The following GHR variants were observed in gnomAD, a reference collection of about 807,000 sequenced individuals.
GHR encodes the protein GH receptor.
In GHR, 35 loss-of-function variants were observed where a neutral mutation model predicts 67.1. The observed-to-expected ratio is 0.52, with a 90% CI of 0.40 to 0.69. The LOEUF (loss-of-function observed/expected upper bound fraction) is 0.69. GHR is among the 30% of genes least tolerant of loss of function. The pLI is 0.00. For missense variants in GHR, 792 were observed against 764.6 expected, an observed-to-expected ratio of 1.04 and a Z score of -0.42; for synonymous variants, 272 against 269.1, an observed-to-expected ratio of 1.01 and a Z score of -0.10.
At chr5:42,499,119 C>T (rs553804635) in intron 1 of GHR, among the ~76,000 whole-genome samples, 7 of 152,232 alleles carry the variant, frequency 4.6e-5, no homozygotes, top group Admixed American at 3.9e-4. Flanking sequence ...CTTAGCCAAA[C>T]GTGGGGAAGA....
intron 2 of GHR, among the ~76,000 whole-genome samples, chr5:42,576,046 T>TA (rs66522211): frequency 0.083 from 4,562 of 55,136 alleles, 532 homozygotes; most frequent in Middle Eastern, 0.12. Flanking sequence ...AAAATTAAAA[T>TA]AATAAAATAA....
chr5:42,700,559 C>T (rs1172507927), intron 6 of GHR, among the ~76,000 whole-genome samples: 1 of 152,114 alleles, frequency 6.6e-6, no homozygotes, highest in South Asian at 2.1e-4. Flanking sequence ...ACCTCTGAAT[C>T]CCTCTCTTCC....
intron 1 of GHR, among the ~76,000 whole-genome samples, chr5:42,477,796 T>C (rs1304221044): frequency 6.6e-6 from 1 of 152,242 alleles, no homozygotes; most frequent in Non-Finnish European, 1.5e-5. Flanking sequence ...CTTTGTCAGA[T>C]GAGTACATTG....
chr5:42,549,195 C>A (rs1289800140), intron 1 of GHR, among the ~76,000 whole-genome samples: 1 of 152,180 alleles, frequency 6.6e-6, no homozygotes, highest in Non-Finnish European at 1.5e-5. Context: ...GATTAAAACC[C>A]ATCCCATAAT....
At chr5:42,503,231 T>C (rs1390902486) in intron 1 of GHR, among the ~76,000 whole-genome samples, 2 of 152,154 alleles carry the variant, frequency 1.3e-5, no homozygotes, top group East Asian at 3.9e-4. Context: ...TTGAAATACT[T>C]TAGGAAATGC....
intron 3 of GHR, among the ~76,000 whole-genome samples, chr5:42,660,583 A>G (rs1755537996): frequency 6.6e-6 from 1 of 152,090 alleles, no homozygotes; most frequent in Non-Finnish European, 1.5e-5. Context: ...ACAAACAGAA[A>G]GGACATCCAC....
chr5:42,633,537 G>T (rs904835326), intron 3 of GHR, among the ~76,000 whole-genome samples: 3 of 151,986 alleles, frequency 2.0e-5, no homozygotes, highest in African/African-American at 7.2e-5. Flanking sequence ...TTCTTAGCTG[G>T]ACTCTTGTCC....
chr5:42,685,529 A>G (rs902835159), intron 3 of GHR, among the ~76,000 whole-genome samples: 1 of 152,234 alleles, frequency 6.6e-6, no homozygotes. Context: ...ACTGTCTTCC[A>G]CAATGGTTGA....
At chr5:42,538,376 G>A (rs142962143) in intron 1 of GHR, among the ~76,000 whole-genome samples, 2,051 of 152,258 alleles carry the variant, frequency 0.013, 19 homozygotes, top group Non-Finnish European at 0.022. Context: ...GCTTGGCAGG[G>A]GCCAATTCTC....
chr5:42,658,017 G>T (rs1164709662), intron 3 of GHR, among the ~76,000 whole-genome samples: 1 of 152,114 alleles, frequency 6.6e-6, no homozygotes, highest in Non-Finnish European at 1.5e-5. Context: ...TTTTATGAGG[G>T]GATGTGGCAT....
At chr5:42,580,926 C>G (rs550774847) in intron 2 of GHR, among the ~76,000 whole-genome samples, 1 of 152,190 alleles carries the variant, frequency 6.6e-6, no homozygotes, top group Non-Finnish European at 1.5e-5. Context: ...GTGGCAGAAG[C>G]GTGGCCCCTG....
At chr5:42,547,601 C>T (rs970276711) in intron 1 of GHR, among the ~76,000 whole-genome samples, 9 of 152,052 alleles carry the variant, frequency 5.9e-5, no homozygotes, top group African/African-American at 1.9e-4. Context: ...ATCAGAAAAA[C>T]CCTAAACTAC....
rs1040015911 is a variant in GHR, at chr5:42,423,841, A to T, written c.-126A>T. The T allele has an allele frequency of 8.1e-5, 13 of 159,938 alleles. No individual in the cohort carries two copies. The highest frequency in any genetic ancestry group is 1.6e-4 in the Non-Finnish European group (12 of 75,654). The allele number at this position is 159,938 out of a possible 1,614,324, so 9.9% of individuals were successfully genotyped here. ...GCGGTGGCGGCGGCGGCTGCTGCTG[A>T]GCCCGGGCGGCGGCGGGGACCCCGG... On this transcript the variant is annotated 5_prime_UTR_variant, in exon 1 of 10. It removes the in-frame stop codon of an upstream open reading frame in the 5' UTR. Transcript: ENST00000230882.
chr5:42,715,025 C>A, intron 8 of GHR: 2 of 369,348 alleles, frequency 5.4e-6, no homozygotes, highest in South Asian at 4.0e-5. Context: ...AAAAAATTAT[C>A]CTCTCAAAAA....
chr5:42,477,695 C>A (rs1490586267), intron 1 of GHR, among the ~76,000 whole-genome samples: 1 of 152,142 alleles, frequency 6.6e-6, no homozygotes, highest in Admixed American at 6.5e-5. Flanking sequence ...TGAGAAGTGT[C>A]TGTTCATATC....
chr5:42,474,305 G>GAAAGAAAGAAAGAA (rs1006071581), intron 1 of GHR, among the ~76,000 whole-genome samples: 1 of 134,062 alleles, frequency 7.5e-6, no homozygotes, highest in African/African-American at 2.9e-5. Flanking sequence ...GAGAAAGAAA[G>GAAAGAAAGAAAGAA]AAAGAAAGAA....
intron 1 of GHR, among the ~76,000 whole-genome samples, chr5:42,456,955 G>A (rs1744288377): frequency 6.6e-6 from 1 of 152,150 alleles, no homozygotes; most frequent in Non-Finnish European, 1.5e-5. Flanking sequence ...CATTTTCTGG[G>A]CATTTTTAAT....
At position 42,720,857 on chromosome 5, in the gene GHR, A is replaced by G. The variant is rs1758984633; in HGVS notation, c.*1433A>G. ...CTCAAAGCAAGCATTCAGAAGAAAA[A>G]GAAGCAACCTCAGTAATTTAGAAAT... On this transcript the variant is annotated 3_prime_UTR_variant, in exon 10 of 10. Coordinates refer to ENST00000230882, the MANE Select transcript of GHR (RefSeq NM_000163.5). The G allele has an allele frequency of 1.3e-5, 2 of 152,218 alleles. No homozygotes were observed. Among genetic ancestry groups the G allele is most frequent in the Non-Finnish European group, 2.9e-5 (2 of 68,040 alleles). 9.4% of individuals were successfully genotyped at this position (152,218 alleles called of 1,614,324 possible).
chr5:42,716,280 A>G (rs1758718938), intron 8 of GHR, among the ~76,000 whole-genome samples: 1 of 152,124 alleles, frequency 6.6e-6, no homozygotes, highest in African/African-American at 2.4e-5. Context: ...CTATGAATGC[A>G]TGATTTGAAC....
Sources: allele counts gnomAD v4.1 joint callset (sites outside exome capture counted in the v4.1 genomes callset), GRCh38; gene constraint gnomAD v4.1.1; transcripts MANE v1.5; gene names NCBI Gene and HGNC (gene_info 2026-07-23, HGNC 2026-07-21).